The following LPAR1 variants were observed in gnomAD, a reference collection of about 807,000 sequenced individuals.
LPAR1 encodes the protein lysophosphatidic acid receptor 1.
Under a neutral mutation model 23.8 loss-of-function variants are expected in LPAR1, and 5 were observed. The observed-to-expected ratio is 0.21, with a 90% CI of 0.11 to 0.44. The LOEUF (loss-of-function observed/expected upper bound fraction) is 0.44, where lower values mean the gene tolerates loss of function less well. Ranked by LOEUF, LPAR1 falls within the 20% of genes least tolerant of loss-of-function variation. The probability of loss-of-function intolerance (pLI) is 0.99; values close to 1 mark genes in which losing one functional copy is unlikely to be tolerated. For missense variants in LPAR1, 311 were observed against 482.8 expected, an observed-to-expected ratio of 0.64 and a Z score of 3.33; for synonymous variants, 160 against 164.7, an observed-to-expected ratio of 0.97 and a Z score of 0.22.
chr9:111,009,038 A>T (rs1055389343), intron 2 of LPAR1, among the ~76,000 whole-genome samples: 1 of 152,180 alleles, frequency 6.6e-6, no homozygotes, highest in African/African-American at 2.4e-5. Flanking sequence ...CAGACTTACA[A>T]AGTCTACAGA....
At chr9:110,999,585 C>T (rs1345337200) in intron 2 of LPAR1, 3 of 364,756 alleles carry the variant, frequency 8.2e-6, no homozygotes, top group Non-Finnish European at 1.6e-5. Context: ...GGCTGGAAGT[C>T]GAAGACCAGG....
chr9:110,970,160 T>C (rs979746601), intron 4 of LPAR1, among the ~76,000 whole-genome samples: 1 of 152,140 alleles, frequency 6.6e-6, no homozygotes, highest in African/African-American at 2.4e-5. Flanking sequence ...ACAGAGAAGA[T>C]ATATAGATAA....
intron 2 of LPAR1, among the ~76,000 whole-genome samples, chr9:111,013,373 T>C (rs2097371849): frequency 6.6e-6 from 1 of 152,238 alleles, no homozygotes; most frequent in African/African-American, 2.4e-5. Flanking sequence ...ACCCTCACCA[T>C]GTGGTAAGAG....
chr9:110,940,093 A>G (rs1307119346), intron 5 of LPAR1, among the ~76,000 whole-genome samples: 1 of 152,232 alleles, frequency 6.6e-6, no homozygotes, highest in African/African-American at 2.4e-5. Context: ...CAATAAGACA[A>G]TCTCATATCT....
intron 2 of LPAR1, among the ~76,000 whole-genome samples, chr9:110,989,815 T>C (rs1339908019): frequency 6.6e-6 from 1 of 152,008 alleles, no homozygotes; most frequent in Non-Finnish European, 1.5e-5. Flanking sequence ...TGAGACTGGA[T>C]AAAAAAGCAA....
intron 5 of LPAR1, among the ~76,000 whole-genome samples, chr9:110,884,244 C>G (rs1487710466): frequency 6.6e-6 from 1 of 152,098 alleles, no homozygotes; most frequent in Non-Finnish European, 1.5e-5. Flanking sequence ...CGTGTTTGCT[C>G]TCTCTTCCTG....
At chr9:110,983,873 T>A (rs1165540540) in intron 2 of LPAR1, among the ~76,000 whole-genome samples, 1 of 152,002 alleles carries the variant, frequency 6.6e-6, no homozygotes, top group East Asian at 1.9e-4. Context: ...AATTTCAAGA[T>A]TTTGTCAGAA....
intron 2 of LPAR1, among the ~76,000 whole-genome samples, chr9:111,012,067 T>C (rs1386363020): frequency 6.6e-6 from 1 of 152,084 alleles, no homozygotes; most frequent in South Asian, 2.1e-4. Flanking sequence ...CTGGACAACA[T>C]AGCGAGACCC....
chr9:110,990,121 G>A (rs966587625), intron 2 of LPAR1, among the ~76,000 whole-genome samples: 5 of 151,966 alleles, frequency 3.3e-5, no homozygotes, highest in South Asian at 2.1e-4. Flanking sequence ...AAGTAAAAAC[G>A]AGTAACTGGA....
At chr9:110,949,949 T>C (rs776588631) in intron 4 of LPAR1, among the ~76,000 whole-genome samples, 3 of 152,154 alleles carry the variant, frequency 2.0e-5, no homozygotes, top group Non-Finnish European at 4.4e-5. Flanking sequence ...AAAAAGCCAA[T>C]GATCATCTCA....
chr9:110,999,314 T>C, intron 2 of LPAR1: 1 of 445,790 alleles, frequency 2.2e-6, no homozygotes, highest in Non-Finnish European at 4.5e-6. Context: ...TAAAAGCAAC[T>C]GGTGTCCAAC....
At chr9:110,962,944 T>G (rs753260043) in intron 4 of LPAR1, among the ~76,000 whole-genome samples, 4 of 152,204 alleles carry the variant, frequency 2.6e-5, no homozygotes, top group African/African-American at 9.7e-5. Context: ...AGCAGGCCAC[T>G]GTCCCACCTT....
At chr9:110,925,965 G>GT (rs1180591081) in intron 5 of LPAR1, among the ~76,000 whole-genome samples, 4 of 152,242 alleles carry the variant, frequency 2.6e-5, no homozygotes, top group Non-Finnish European at 4.4e-5. Context: ...CTGTCACCCA[G>GT]GCTGGAGTGC....
intron 4 of LPAR1, among the ~76,000 whole-genome samples, chr9:110,959,942 T>TA (rs555195976): frequency 6.7e-4 from 102 of 152,068 alleles, no homozygotes; most frequent in Middle Eastern, 3.4e-3. Flanking sequence ...AACATAGGAT[T>TA]AAAAAAAATT....
chr9:110,902,844 T>A (rs1464287469), intron 5 of LPAR1, among the ~76,000 whole-genome samples: 1 of 152,104 alleles, frequency 6.6e-6, no homozygotes, highest in Non-Finnish European at 1.5e-5. Context: ...TCTACCTCCA[T>A]CAGAGGCATC....
At chr9:110,969,935 T>C (rs1043178383) in intron 4 of LPAR1, among the ~76,000 whole-genome samples, 3 of 152,168 alleles carry the variant, frequency 2.0e-5, no homozygotes, top group Admixed American at 6.5e-5. Context: ...GCAGGGCATG[T>C]GCAGAAGTGT....
chr9:110,886,352 G>C (rs10980614), intron 5 of LPAR1, among the ~76,000 whole-genome samples: 1 of 91,784 alleles, frequency 1.1e-5, no homozygotes, highest in Non-Finnish European at 1.9e-5. Flanking sequence ...CAACAAGAGC[G>C]AAACTCCATC....
chr9:110,963,101 G>C (rs1030293622), intron 4 of LPAR1, among the ~76,000 whole-genome samples: 1 of 152,118 alleles, frequency 6.6e-6, no homozygotes. Flanking sequence ...TAAAGGAGTA[G>C]CTCCATTAAC....
intron 5 of LPAR1, among the ~76,000 whole-genome samples, chr9:110,916,908 C>CT (rs78208410): frequency 0.069 from 9,400 of 135,908 alleles, 813 homozygotes; most frequent in African/African-American, 0.21. Flanking sequence ...AAAATAAAGT[C>CT]TTTTTTTTTT....
Sources: gnomAD v4.1 joint callset for allele counts (sites outside exome capture counted in the v4.1 genomes callset) on GRCh38, gnomAD v4.1.1 for gene constraint, MANE v1.5 for transcripts, NCBI Gene and HGNC (gene_info 2026-07-23, HGNC 2026-07-21) for gene names.